The following PARP15 variants were observed in gnomAD, a reference collection of about 807,000 sequenced individuals.
PARP15 encodes poly(ADP-ribose) polymerase family member 15.
PARP15 carries 50 observed loss-of-function variants against 62.1 expected under a neutral mutation model. That is an observed-to-expected ratio of 0.81 (90% CI 0.64 to 1.02). The LOEUF (loss-of-function observed/expected upper bound fraction) is 1.02, where lower values mean the gene tolerates loss of function less well. PARP15 is among the 50% of genes least tolerant of loss of function. PARP15 has a pLI of 0.00. For synonymous variants in PARP15, 309 were observed against 293.1 expected, an observed-to-expected ratio of 1.05 and a Z score of -0.55; for missense variants, 820 against 826.5, an observed-to-expected ratio of 0.99 and a Z score of 0.10.
chr3:122,592,550 C>T (rs1257435211), intron 1 of PARP15, among the ~76,000 whole-genome samples: 1 of 151,496 alleles, frequency 6.6e-6, no homozygotes, highest in Non-Finnish European at 1.5e-5. Context: ...CAAACATTTA[C>T]CTATGTAACA....
intron 8 of PARP15, among the ~76,000 whole-genome samples, chr3:122,622,433 G>A (rs1030382751): frequency 5.3e-5 from 8 of 152,114 alleles, no homozygotes; most frequent in Non-Finnish European, 1.2e-4. Flanking sequence ...TTGCTTTGTT[G>A]TGTCCCCAGA....
intron 9 of PARP15, 92 bp from the exon 10 acceptor site, chr3:122,631,994 G>A: frequency 3.5e-6 from 5 of 1,421,464 alleles, no homozygotes; most frequent in Non-Finnish European, 4.9e-6. Flanking sequence ...GACCAGGTTT[G>A]GATGACGAGA....
intron 1 of PARP15, among the ~76,000 whole-genome samples, chr3:122,596,369 A>G (rs939489341): frequency 4.6e-5 from 7 of 150,790 alleles, no homozygotes; most frequent in Non-Finnish European, 7.4e-5. Flanking sequence ...AAAAAAAAAA[A>G]AAAAAAAAAA....
Position 122,621,623 on chromosome 3 carries a change from A to G in PARP15, c.1231+12A>G, listed in dbSNP as rs1037005129. 3 of 1,569,194 alleles carry G rather than the reference A, an allele frequency of 1.9e-6. No individual in the cohort carries two copies. Among genetic ancestry groups the G allele is most frequent in the Admixed American group, 4.0e-5 (2 of 49,818 alleles). The stretch of plus-strand genomic sequence containing the variant: ...AGCCATTGGAACAGGTTTGCAGCTT[A>G]TCATTCTATAATAAAATTTGAGTGA... On this transcript the variant is annotated intron_variant, in intron 8 of 11. Coordinates refer to ENST00000464300, the MANE Select transcript of PARP15 (RefSeq NM_001113523.3).
intron 8 of PARP15, among the ~76,000 whole-genome samples, chr3:122,624,774 T>C (rs573078433): frequency 1.3e-5 from 2 of 152,354 alleles, no homozygotes; most frequent in Admixed American, 1.3e-4. Context: ...ATTTTCAGCA[T>C]TTTAAAAGAT....
chr3:122,622,521 T>G (rs1936415682), intron 8 of PARP15, among the ~76,000 whole-genome samples: 1 of 152,200 alleles, frequency 6.6e-6, no homozygotes, highest in Non-Finnish European at 1.5e-5. Context: ...GTTTCCAAAC[T>G]CTTCAGACCT....
At position 122,637,724 on chromosome 3, in the gene PARP15, C is replaced by T. The variant is rs897399821; in HGVS notation, c.*1624C>T. 3 of 152,154 alleles carry T rather than the reference C, an allele frequency of 2.0e-5. No homozygotes were observed. The highest frequency in any genetic ancestry group is 6.5e-5 in the Admixed American group (1 of 15,274). The allele number at this position is 152,154 out of a possible 1,614,324, so 9.4% of individuals were successfully genotyped here. ...TCTCCCTTCCAGTTTCTTCTCTGTCCAAATTCAACAAAGTCAAAATCACAT... is the reference window on the plus strand; with the variant it reads ...TCTCCCTTCCAGTTTCTTCTCTGTCTAAATTCAACAAAGTCAAAATCACAT... On this transcript the variant is annotated 3_prime_UTR_variant, in exon 12 of 12. Coordinates refer to ENST00000464300, the MANE Select transcript of PARP15 (RefSeq NM_001113523.3).
chr3:122,610,604 C>T lies in PARP15; in HGVS notation c.417C>T (p.Asp139=). 1 of 1,551,732 alleles carries T rather than the reference C, an allele frequency of 6.4e-7. No homozygotes were observed. The highest frequency in any genetic ancestry group is 1.4e-5 in the African/African-American group (1 of 73,134). ...AGPMLQKELD[D]RRRETEEKVG... ...CCATGCTCCAGAAAGAGTTAGATGA[C>T]AGAAGGCGGGAAACAGAGGAAAAAG... The change falls in exon 3 of 12, where the codon GAC becomes GAT. Residue 139 remains aspartate, a synonymous_variant. Transcript: ENST00000464300.
At chr3:122,619,653 G>T in intron 6 of PARP15, 128 bp from the exon 7 acceptor site, 2 of 749,764 alleles carry the variant, frequency 2.7e-6, no homozygotes, top group Non-Finnish European at 4.7e-6. Context: ...AGAGCAGTTG[G>T]TCGGGCGTGG....
chr3:122,578,975 C>T (rs2107790723), intron 1 of PARP15, among the ~76,000 whole-genome samples: 1 of 152,268 alleles, frequency 6.6e-6, no homozygotes, highest in Non-Finnish European at 1.5e-5. Context: ...AATTTGCCTC[C>T]AAATTTTAAG....
chr3:122,627,528 A>C (rs774536429), intron 9 of PARP15, among the ~76,000 whole-genome samples: 16 of 152,224 alleles, frequency 1.1e-4, no homozygotes, highest in Non-Finnish European at 2.1e-4. Context: ...CTACTCTGTA[A>C]GGTGTGTTTA....
intron 1 of PARP15, among the ~76,000 whole-genome samples, chr3:122,603,247 T>A (rs891067269): frequency 6.6e-6 from 1 of 152,088 alleles, no homozygotes; most frequent in Non-Finnish European, 1.5e-5. Context: ...CTGATCAGAA[T>A]GACAAATCAC....
intron 6 of PARP15, among the ~76,000 whole-genome samples, chr3:122,619,487 T>G (rs1278059524): frequency 6.6e-6 from 1 of 152,184 alleles, no homozygotes; most frequent in Non-Finnish European, 1.5e-5. Flanking sequence ...TACAAAATAA[T>G]AAGGGTAGAA....
At chr3:122,584,259 A>G (rs1230218379) in intron 1 of PARP15, among the ~76,000 whole-genome samples, 1 of 152,142 alleles carries the variant, frequency 6.6e-6, no homozygotes, top group African/African-American at 2.4e-5. Context: ...CATTTTATAT[A>G]TTACTGCCAG....
chr3:122,635,279 T>C, intron 11 of PARP15, 85 bp downstream of exon 11: 1 of 1,259,614 alleles, frequency 7.9e-7, no homozygotes, highest in Non-Finnish European at 1.1e-6. Context: ...GGAACCATGG[T>C]GGGCAGCTGT....
At position 122,635,174 on chromosome 3, in the gene PARP15, G is replaced by C. The variant is rs1937281046; in HGVS notation, c.1727G>C (p.Arg576Thr). 1 of 1,613,406 alleles carries C rather than the reference G, an allele frequency of 6.2e-7. No homozygotes were observed. Among genetic ancestry groups the C allele is most frequent in the African/African-American group, 1.3e-5 (1 of 74,876 alleles). Residue 576 changes from arginine (R) to threonine (T), a missense_variant, in exon 11 of 12, where the codon AGA becomes ACA. Physicochemically the swap from Arg to Thr is moderately conservative, Grantham distance 71 (BLOSUM62 -1). This residue lies in a region of PARP15 where 731 missense variants were observed against 727.7 expected (regional missense o/e 1.00). Transcript: ENST00000464300. ...VPYVNQHGFN[R>T]SCAGKNAVSY... Reference sequence around the variant, plus strand: ...TATGTCAATCAGCACGGCTTTAATAGAAGTTGTGCTGGGAAAAATGGTAAG... The same window carrying C: ...TATGTCAATCAGCACGGCTTTAATACAAGTTGTGCTGGGAAAAATGGTAAG...
At chr3:122,608,413 G>A (rs777267924) in intron 2 of PARP15, among the ~76,000 whole-genome samples, 1 of 151,706 alleles carries the variant, frequency 6.6e-6, no homozygotes, top group Non-Finnish European at 1.5e-5. Context: ...ACCGGGTTTT[G>A]CCATGTTGGC....
chr3:122,618,316 A>C (rs1333274989), intron 6 of PARP15, among the ~76,000 whole-genome samples: 1 of 152,164 alleles, frequency 6.6e-6, no homozygotes, highest in Non-Finnish European at 1.5e-5. Context: ...ATACAGTTGT[A>C]TACTGTAAAG....
At chr3:122,579,995 ATATG>A (rs751011048) in intron 1 of PARP15, among the ~76,000 whole-genome samples, 5,155 of 55,438 alleles carry the variant, frequency 0.093, 228 homozygotes, top group Admixed American at 0.18. Context: ...AACAGCAACT[ATATG>A]TATATATATA....
Sources: gnomAD v4.1 joint callset for allele counts (sites outside exome capture counted in the v4.1 genomes callset) on GRCh38, gnomAD v4.1.1 for gene constraint, gnomAD v4.1.1 regional missense constraint, MANE v1.5 for transcripts, NCBI Gene and HGNC (gene_info 2026-07-23, HGNC 2026-07-21) for gene names.